ZMYM2: variants seen among roughly 807,000 people sequenced by gnomAD.
The protein encoded by ZMYM2 is zinc finger MYM-type protein 2.
ZMYM2 carries 56 observed loss-of-function variants against 162.8 expected under a neutral mutation model. That is an observed-to-expected ratio of 0.34 (90% CI 0.28 to 0.43). The LOEUF (loss-of-function observed/expected upper bound fraction) is 0.43. Ranked by LOEUF, ZMYM2 falls within the 20% of genes least tolerant of loss-of-function variation. The pLI is 1.00. For missense variants in ZMYM2, 1,275 were observed against 1,621.8 expected, an observed-to-expected ratio of 0.79 and a Z score of 3.67; for synonymous variants, 510 against 541.6, an observed-to-expected ratio of 0.94 and a Z score of 0.81.
chr13:19,941,078 G>A, the ZMYM2 span, among the ~76,000 whole-genome samples: 1 of 152,138 alleles, frequency 6.6e-6, no homozygotes, highest in South Asian at 2.1e-4. Context: ...GGAGACTGAG[G>A]CAGGTGGATC....
chr13:19,954,168 G>A (rs28451115), upstream of ZMYM2, among the ~76,000 whole-genome samples: 17,563 of 89,562 alleles, frequency 0.2, 1,665 homozygotes, highest in South Asian at 0.31. Flanking sequence ...TCACTCTGTC[G>A]CCCAGGCTGG....
At position 20,083,743 on chromosome 13, in the gene ZMYM2, CTGTG is replaced by C; in HGVS notation, c.3909_3912del (p.Val1304LysfsTer56). The C allele has an allele frequency of 6.2e-7, 1 of 1,602,806 alleles. No homozygotes were observed. Among genetic ancestry groups the C allele is most frequent in the East Asian group, 2.2e-5 (1 of 44,714 alleles). ...AACACAGCCAATCCTTCCAGATGTC[CTGTG>C]AAAATGTTTGAATGCTACTTGTCTA... On this transcript the variant is annotated frameshift_variant, in exon 24 of 25. Transcript: ENST00000610343. LOFTEE classifies it high-confidence loss of function.
the ZMYM2 span, among the ~76,000 whole-genome samples, chr13:19,873,097 T>C: frequency 2.6e-5 from 4 of 152,308 alleles, no homozygotes; most frequent in Admixed American, 6.5e-5. Context: ...ATCCTCAGCA[T>C]GTGTTAAAGA....
At chr13:19,902,563 C>T in the ZMYM2 span, among the ~76,000 whole-genome samples, 5 of 152,044 alleles carry the variant, frequency 3.3e-5, no homozygotes, top group Admixed American at 1.3e-4. Context: ...TTGCAGTGAG[C>T]CGAGATCGTG....
chr13:19,896,216 T>C, the ZMYM2 span, among the ~76,000 whole-genome samples: 15 of 151,690 alleles, frequency 9.9e-5, no homozygotes, highest in Admixed American at 3.3e-4. Context: ...CGATCTTGGC[T>C]CACTGCAAGC....
the ZMYM2 span, among the ~76,000 whole-genome samples, chr13:19,876,848 A>G: frequency 2.6e-5 from 4 of 152,302 alleles, no homozygotes; most frequent in East Asian, 7.7e-4. Context: ...GTATGTATGA[A>G]TTTGACTGCT....
chr13:19,875,893 C>T, the ZMYM2 span, among the ~76,000 whole-genome samples: 45 of 152,024 alleles, frequency 3.0e-4, no homozygotes, highest in African/African-American at 1.0e-3. Context: ...ATTTGGGTGA[C>T]GTGAAGGTTC....
At chr13:19,960,207 T>C (rs1246965334) in intron 2 of ZMYM2, among the ~76,000 whole-genome samples, 181 bp downstream of exon 2, 2 of 152,180 alleles carry the variant, frequency 1.3e-5, no homozygotes, top group Non-Finnish European at 2.9e-5. Flanking sequence ...GGCGCTGCTG[T>C]TTCCACCGCT....
At chr13:19,870,164 A>T in the ZMYM2 span, among the ~76,000 whole-genome samples, 2 of 152,038 alleles carry the variant, frequency 1.3e-5, no homozygotes, top group African/African-American at 4.8e-5. Flanking sequence ...TTTTTTATTT[A>T]TTTATTTTCA....
chr13:20,032,114 GCCCA>G (rs1953219993), intron 10 of ZMYM2, among the ~76,000 whole-genome samples: 4 of 151,822 alleles, frequency 2.6e-5, no homozygotes, highest in Non-Finnish European at 5.9e-5. Context: ...CAACTGATCC[GCCCA>G]CCTCAGCCTC....
At chr13:20,060,912 T>G in intron 16 of ZMYM2, 141 bp from the exon 17 acceptor site, 1 of 770,394 alleles carries the variant, frequency 1.3e-6, no homozygotes, top group Non-Finnish European at 2.0e-6. Context: ...ACAGTTAACA[T>G]CTTAGTTTTG....
At chr13:20,084,509 T>C (rs558226399) in intron 24 of ZMYM2, among the ~76,000 whole-genome samples, 2 of 152,316 alleles carry the variant, frequency 1.3e-5, no homozygotes, top group African/African-American at 4.8e-5. Context: ...TAATAAAACT[T>C]CACATAAGCA....
intron 3 of ZMYM2, among the ~76,000 whole-genome samples, chr13:19,996,894 TAAAG>T (rs1191497979): frequency 9.9e-5 from 15 of 152,028 alleles, no homozygotes; most frequent in African/African-American, 2.4e-4. Flanking sequence ...CTAAAACAAA[TAAAG>T]AAAGCTGAGC....
chr13:20,055,755 T>C (rs1027210435), intron 14 of ZMYM2, among the ~76,000 whole-genome samples: 4 of 152,164 alleles, frequency 2.6e-5, no homozygotes, highest in Non-Finnish European at 5.9e-5. Flanking sequence ...AAGGAAAAGA[T>C]ACAATAATGA....
chr13:20,066,865 G>A lies in ZMYM2; in HGVS notation c.3147G>A (p.Lys1049=). The change falls in exon 20 of 25, where the codon AAG becomes AAA. Residue 1049 remains lysine (K), a synonymous_variant. Transcript: ENST00000610343. The part of the protein sequence containing the change: ...PRSKKKGAKR[K]AVSGYQSHDD... ...TTTACTAATAGGGAGCCAAGAGAAA[G>A]GCTGTATCAGGATACCAGTCTCATG... is the stretch of plus-strand genomic sequence containing the variant. 1 of 1,596,702 alleles carries A rather than the reference G, an allele frequency of 6.3e-7. No homozygotes were observed. The highest frequency in any genetic ancestry group is 8.5e-7 in the Non-Finnish European group (1 of 1,173,526).
At chr13:19,913,663 T>G in the ZMYM2 span, among the ~76,000 whole-genome samples, 3 of 152,190 alleles carry the variant, frequency 2.0e-5, no homozygotes, top group Non-Finnish European at 4.4e-5. Context: ...AGGCGGAGGC[T>G]GCAGTAAGCC....
chr13:19,995,720 T>C (rs543827897), intron 3 of ZMYM2, among the ~76,000 whole-genome samples: 2 of 152,296 alleles, frequency 1.3e-5, no homozygotes, highest in South Asian at 2.1e-4. Context: ...TCTTGACTAT[T>C]TGAAATTGTT....
the ZMYM2 span, among the ~76,000 whole-genome samples, chr13:19,937,973 A>G: frequency 6.6e-6 from 1 of 151,906 alleles, no homozygotes; most frequent in South Asian, 2.1e-4. Context: ...TGAACTCATC[A>G]TATTATTCCA....
At chr13:20,017,906 A>G (rs1004094886) in intron 6 of ZMYM2, among the ~76,000 whole-genome samples, 12 of 151,986 alleles carry the variant, frequency 7.9e-5, no homozygotes, top group Non-Finnish European at 1.0e-4. Context: ...GCATCTGTTG[A>G]TTGTCCTTTT....
Sources: gnomAD v4.1 joint callset for allele counts (sites outside exome capture counted in the v4.1 genomes callset) on GRCh38, gnomAD v4.1.1 for gene constraint, MANE v1.5 for transcripts, NCBI Gene and HGNC (gene_info 2026-07-23, HGNC 2026-07-21) for gene names.